The following NNT variants were observed in gnomAD, a reference collection of about 807,000 sequenced individuals.
NNT encodes the protein nicotinamide nucleotide transhydrogenase.
Under a neutral mutation model 104.8 loss-of-function variants are expected in NNT, and 50 were observed. The ratio of observed to expected loss-of-function variants is 0.48; its 90% CI spans 0.38 to 0.60. The LOEUF is 0.60. NNT is among the 20% of genes least tolerant of loss of function. The pLI is 0.00. For synonymous variants in NNT, 461 were observed against 490.4 expected, an observed-to-expected ratio of 0.94 and a Z score of 0.79; for missense variants, 1,131 against 1,330.7, an observed-to-expected ratio of 0.85 and a Z score of 2.33.
intron 5 of NNT, among the ~76,000 whole-genome samples, chr5:43,620,546 T>C (rs1750032097): frequency 6.6e-6 from 1 of 151,882 alleles, no homozygotes; most frequent in African/African-American, 2.4e-5. Flanking sequence ...TACTTTGTTA[T>C]ATAAAGCCCA....
At chr5:43,644,122 TG>T in intron 7 of NNT, 69 bp from the exon 8 acceptor site, 1 of 1,400,824 alleles carries the variant, frequency 7.1e-7, no homozygotes, top group Non-Finnish European at 9.8e-7. Flanking sequence ...CAGAGACTAC[TG>T]TAATAATTAG....
intron 16 of NNT, 88 bp from the exon 17 acceptor site, chr5:43,659,083 C>A: frequency 7.7e-7 from 1 of 1,305,940 alleles, no homozygotes; most frequent in Non-Finnish European, 1.0e-6. Flanking sequence ...AATGGGAAAA[C>A]TAGAATAATT....
At position 43,666,163 on chromosome 5, in the gene NNT, G is replaced by C. The variant is rs75353692; in HGVS notation, c.2634+6813G>C. ...ATCCCAGACGATGGGCGGCCAGGCA[G>C]AGACACTCCTCACTTCCTAGACGGG... On this transcript the variant is annotated intron_variant, in intron 17 of 21. Coordinates refer to ENST00000344920, the MANE Select transcript of NNT (RefSeq NM_182977.3). Among the ~76,000 whole-genome samples the C allele has an allele frequency of 5.5e-3, 843 of 152,262 alleles. 52 individuals carry two copies. In the East Asian group the frequency reaches 0.14, roughly 26 times the overall value.
Position 43,670,675 on chromosome 5 carries a change from A to G in NNT, c.2635-4836A>G, listed in dbSNP as rs149449708. Among the ~76,000 whole-genome samples the G allele has an allele frequency of 3.1e-4, 47 of 152,246 alleles. No individual in the cohort carries two copies. In the East Asian group the frequency reaches 8.5e-3, roughly 28 times the overall value. On this transcript the variant is annotated intron_variant, in intron 17 of 21. Transcript: ENST00000344920. ...TTTGTTATAATTTCTGTTCTTTTACATTTGCTGAGGAGTGCTTTACTTGCA... is the reference window on the plus strand; with the variant it reads ...TTTGTTATAATTTCTGTTCTTTTACGTTTGCTGAGGAGTGCTTTACTTGCA...
chr5:43,696,010 T>C (rs1289801248), intron 19 of NNT, among the ~76,000 whole-genome samples: 1 of 152,168 alleles, frequency 6.6e-6, no homozygotes, highest in Non-Finnish European at 1.5e-5. Context: ...ATCCCACCTC[T>C]GGCCCCTCCC....
rs79713494 is a variant in NNT, at chr5:43,613,710, A to T, written c.381+573A>T. 1,479 of 152,398 alleles carry T rather than the reference A, an allele frequency of 9.7e-3. 11 individuals carry two copies. Among genetic ancestry groups the T allele is most frequent in the South Asian group, 0.035 (170 of 4,830 alleles). 9.4% of individuals were successfully genotyped at this position (152,398 alleles called of 1,614,324 possible). On this transcript the variant is annotated intron_variant, in intron 3 of 21. Coordinates refer to ENST00000344920, the MANE Select transcript of NNT (RefSeq NM_182977.3). Reference sequence around the variant, plus strand: ...TTGAGAATTAAAATATTAAATAAAAAATCCTTTAGAGAAAGGGGGAGAGAC... The same window carrying T: ...TTGAGAATTAAAATATTAAATAAAATATCCTTTAGAGAAAGGGGGAGAGAC...
chr5:43,650,235 GT>G (rs1739684081), intron 11 of NNT, among the ~76,000 whole-genome samples: 1 of 152,204 alleles, frequency 6.6e-6, no homozygotes, highest in Non-Finnish European at 1.5e-5. Flanking sequence ...AGGAGAAAAA[GT>G]TTTGTTAACC....
At chr5:43,620,829 G>A (rs1750047094) in intron 5 of NNT, among the ~76,000 whole-genome samples, 1 of 152,156 alleles carries the variant, frequency 6.6e-6, no homozygotes, top group Admixed American at 6.5e-5. Context: ...TTGACTGAAT[G>A]CTTTGATGCA....
intron 17 of NNT, among the ~76,000 whole-genome samples, chr5:43,665,960 G>A (rs539824916): frequency 1.8e-4 from 28 of 151,684 alleles, no homozygotes; most frequent in Admixed American, 5.9e-4. Flanking sequence ...AGACGGGGTC[G>A]CGCCCCGGCA....
At chr5:43,675,693 A>C (rs773269411) in intron 18 of NNT, 23 bp downstream of exon 18, 2 of 1,539,658 alleles carry the variant, frequency 1.3e-6, no homozygotes, top group Admixed American at 3.9e-5. Context: ...AGCAAAAGCA[A>C]ATAACCTATA....
Position 43,603,311 on chromosome 5 carries a change from T to G in NNT, c.-54+17T>G, listed in dbSNP as rs1257476539. 2 of 152,664 alleles carry G rather than the reference T, an allele frequency of 1.3e-5. No individual in the cohort carries two copies. The highest frequency in any genetic ancestry group is 1.5e-5 in the Non-Finnish European group (1 of 68,526). 9.5% of individuals were successfully genotyped at this position (152,664 alleles called of 1,614,324 possible). On this transcript the variant is annotated intron_variant, in intron 1 of 21. Coordinates refer to ENST00000344920, the MANE Select transcript of NNT (RefSeq NM_182977.3). Reference sequence around the variant, plus strand: ...CCGGCCCAGGTGAGCGCGACGGCACTGGCGGGTGCGGGCAGCCGGGGCGCG... The same window carrying G: ...CCGGCCCAGGTGAGCGCGACGGCACGGGCGGGTGCGGGCAGCCGGGGCGCG...
chr5:43,650,894 G>T (rs1739723933), intron 12 of NNT, among the ~76,000 whole-genome samples: 1 of 152,172 alleles, frequency 6.6e-6, no homozygotes, highest in Non-Finnish European at 1.5e-5. Flanking sequence ...CTATAAATTA[G>T]TATAATTTTA....
In NNT at chr5:43,670,187, T is replaced by C. The variant is rs1398602639; in HGVS notation, c.2635-5324T>C. On this transcript the variant is annotated intron_variant, in intron 17 of 21. Coordinates refer to ENST00000344920, the MANE Select transcript of NNT (RefSeq NM_182977.3). ...TCTTGTCTCTTTTCTTATTTATTAG[T>C]CTTGCTAGTGGTCTATCAATTTTGT... 1.2e-4 allele frequency among the ~76,000 whole-genome samples: 18 copies of C among 152,286 alleles called. No individual in the cohort carries two copies. The South Asian group carries it at 2.9e-3, about 25-fold the overall frequency.
At chr5:43,691,568 A>G (rs1742287238) in intron 19 of NNT, among the ~76,000 whole-genome samples, 1 of 152,186 alleles carries the variant, frequency 6.6e-6, no homozygotes, top group Non-Finnish European at 1.5e-5. Context: ...TAACTGGGGG[A>G]AAAAGTCTCT....
At chr5:43,656,557 T>C (rs1740058096) in intron 15 of NNT, 96 bp from the exon 16 acceptor site, 4 of 1,153,570 alleles carry the variant, frequency 3.5e-6, no homozygotes, top group Non-Finnish European at 4.9e-6. Flanking sequence ...CTCATAATCC[T>C]TGGTTAGAGA....
chr5:43,653,954 C>CA (rs1189629677), intron 14 of NNT, among the ~76,000 whole-genome samples: 287 of 100,718 alleles, frequency 2.8e-3, no homozygotes, highest in African/African-American at 3.6e-3. Flanking sequence ...GACTCTGTCT[C>CA]AAAAAAAAAA....
intron 15 of NNT, among the ~76,000 whole-genome samples, 173 bp from the exon 16 acceptor site, chr5:43,656,480 T>G (rs1231596011): frequency 6.6e-6 from 1 of 152,178 alleles, no homozygotes; most frequent in Admixed American, 6.5e-5. Context: ...TGGAGGAAAT[T>G]AGTGAACAGA....
At chr5:43,650,364 T>C in intron 11 of NNT, 113 bp from the exon 12 acceptor site, 2 of 681,538 alleles carry the variant, frequency 2.9e-6, no homozygotes, top group Non-Finnish European at 4.9e-6. Flanking sequence ...CCTTGTTTTT[T>C]AATATTGAGA....
Position 43,640,292 on chromosome 5 carries a change from C to T in NNT, c.965-3900C>T, listed in dbSNP as rs1751160433. The stretch of plus-strand genomic sequence containing the variant: ...CATGTACAAAATCCGGACACATCTT[C>T]CTGTTTGTATTCCATGTTTAGTTAT... On this transcript the variant is annotated intron_variant, in intron 7 of 21. Coordinates refer to ENST00000344920, the MANE Select transcript of NNT (RefSeq NM_182977.3). Among the ~76,000 whole-genome samples, 3 of 152,186 alleles carry T rather than the reference C, an allele frequency of 2.0e-5. No individual in the cohort carries two copies. The South Asian group carries it at 6.2e-4, about 32-fold the overall frequency.
Sources: allele counts gnomAD v4.1 joint callset (sites outside exome capture counted in the v4.1 genomes callset), GRCh38; gene constraint gnomAD v4.1.1; transcripts MANE v1.5; gene names NCBI Gene and HGNC (gene_info 2026-07-23, HGNC 2026-07-21).